LRRC37A2: variants seen among roughly 807,000 people sequenced by gnomAD.
LRRC37A2 encodes leucine rich repeat containing 37 member A2.
Under a neutral mutation model 68.8 loss-of-function variants are expected in LRRC37A2, and 9 were observed. That is an observed-to-expected ratio of 0.13 (90% CI 0.08 to 0.23). LRRC37A2 has a LOEUF of 0.23. Ranked by LOEUF, LRRC37A2 falls within the 10% of genes least tolerant of loss-of-function variation. The pLI is 1.00. For synonymous variants in LRRC37A2, 63 were observed against 367.6 expected (o/e 0.17, Z 9.48); for missense variants, 168 against 950.4 (o/e 0.18, Z 10.82).
At chr17:46,733,871 G>A in the LRRC37A2 span, among the ~76,000 whole-genome samples, 4 of 152,194 alleles carry the variant, frequency 2.6e-5, no homozygotes, top group African/African-American at 9.6e-5. Context: ...TGATGTTGTT[G>A]AGAATAGTAA....
the LRRC37A2 span, among the ~76,000 whole-genome samples, chr17:46,944,419 G>C: frequency 6.6e-6 from 1 of 152,134 alleles, no homozygotes; most frequent in African/African-American, 2.4e-5. Context: ...GTCCCTTTCT[G>C]GGGTGGACAT....
At chr17:46,786,609 C>T in the LRRC37A2 span, among the ~76,000 whole-genome samples, 27 of 152,246 alleles carry the variant, frequency 1.8e-4, no homozygotes, top group Non-Finnish European at 3.2e-4. Flanking sequence ...CACTTTGCTG[C>T]GCAGTTCAGG....
the LRRC37A2 span, among the ~76,000 whole-genome samples, chr17:46,844,311 T>A: frequency 1.0e-5 from 1 of 99,602 alleles, no homozygotes; most frequent in Non-Finnish European, 2.0e-5. Flanking sequence ...CCACCTTTTT[T>A]TTTTTTTTTT....
At chr17:46,822,497 G>C in the LRRC37A2 span, among the ~76,000 whole-genome samples, 1 of 152,206 alleles carries the variant, frequency 6.6e-6, no homozygotes, top group Non-Finnish European at 1.5e-5. Context: ...CCAGCGGCGC[G>C]GGCGCGCCCC....
At chr17:46,554,204 G>GCA (rs1380859112) in intron 12 of LRRC37A2, 10 of 303,018 alleles carry the variant, frequency 3.3e-5, no homozygotes, top group Non-Finnish European at 4.1e-5. Context: ...AGCACTTTGG[G>GCA]ATCACTTGAG....
At chr17:46,945,218 C>T in the LRRC37A2 span, among the ~76,000 whole-genome samples, 1 of 152,144 alleles carries the variant, frequency 6.6e-6, no homozygotes, top group Non-Finnish European at 1.5e-5. Flanking sequence ...GCTCTGAGGC[C>T]TGATGTGCTG....
the LRRC37A2 span, among the ~76,000 whole-genome samples, chr17:46,918,596 GACACACAC>G: frequency 8.9e-3 from 1,305 of 146,670 alleles, 5 homozygotes; most frequent in African/African-American, 0.015. Flanking sequence ...ATAGCAGGCA[GACACACAC>G]ACACACACAC....
At chr17:46,824,749 C>T in the LRRC37A2 span, among the ~76,000 whole-genome samples, 1 of 152,170 alleles carries the variant, frequency 6.6e-6, no homozygotes, top group Non-Finnish European at 1.5e-5. Context: ...GCCGAGGTCT[C>T]AGATAGAAGG....
chr17:46,963,019 C>A, the LRRC37A2 span, among the ~76,000 whole-genome samples: 1 of 150,228 alleles, frequency 6.7e-6, no homozygotes, highest in African/African-American at 2.4e-5. Flanking sequence ...TGCCACATGG[C>A]TAATAAAGAA....
the LRRC37A2 span, among the ~76,000 whole-genome samples, chr17:46,746,272 A>G: frequency 2.6e-5 from 4 of 152,224 alleles, no homozygotes; most frequent in African/African-American, 9.6e-5. Context: ...CTCATATTCT[A>G]TGCGCAGTCA....
chr17:46,622,418 A>G, the LRRC37A2 span, among the ~76,000 whole-genome samples: 3 of 150,260 alleles, frequency 2.0e-5, no homozygotes, highest in Non-Finnish European at 2.9e-5. Context: ...ATATCGCACC[A>G]GGGCAGTCCA....
At chr17:46,458,927 G>A in the LRRC37A2 span, among the ~76,000 whole-genome samples, 2 of 82,560 alleles carry the variant, frequency 2.4e-5, no homozygotes, top group African/African-American at 8.6e-5. Flanking sequence ...CTTGAAACCC[G>A]AAGCTGAGAA....
the LRRC37A2 span, among the ~76,000 whole-genome samples, chr17:46,971,374 A>T: frequency 6.6e-6 from 1 of 152,128 alleles, no homozygotes; most frequent in Non-Finnish European, 1.5e-5. Flanking sequence ...GGAAAAATAT[A>T]ATAAGGACAC....
the LRRC37A2 span, among the ~76,000 whole-genome samples, chr17:46,759,062 G>A: frequency 6.6e-6 from 1 of 152,190 alleles, no homozygotes; most frequent in African/African-American, 2.4e-5. Context: ...CAATTAGCCG[G>A]GCATGGTGGC....
At chr17:46,769,131 A>G in the LRRC37A2 span, among the ~76,000 whole-genome samples, 126 of 152,278 alleles carry the variant, frequency 8.3e-4, no homozygotes, top group African/African-American at 2.9e-3. Context: ...AGCCTGGCCA[A>G]CATGGCGAAA....
At chr17:46,822,583 T>C in the LRRC37A2 span, among the ~76,000 whole-genome samples, 1 of 152,240 alleles carries the variant, frequency 6.6e-6, no homozygotes, top group Non-Finnish European at 1.5e-5. Flanking sequence ...CTCCGCTCCC[T>C]GCGGGCCCGG....
the LRRC37A2 span, chr17:46,929,819 A>G: frequency 2.0e-6 from 1 of 512,572 alleles, no homozygotes; most frequent in East Asian, 3.5e-5. Context: ...ACATGGCCCT[A>G]TGGGAATGGA....
At chr17:46,488,883 A>G in the LRRC37A2 span, among the ~76,000 whole-genome samples, 1 of 103,110 alleles carries the variant, frequency 9.7e-6, no homozygotes, top group Admixed American at 9.6e-5. Flanking sequence ...CCATTGTGTG[A>G]GTACCACAAT....
the LRRC37A2 span, among the ~76,000 whole-genome samples, chr17:46,899,378 C>T: frequency 5.3e-4 from 81 of 152,138 alleles, no homozygotes; most frequent in East Asian, 0.014. Flanking sequence ...GCACTCCAGC[C>T]GGGGTGACAG....
Sources: gnomAD v4.1 joint callset for allele counts (sites outside exome capture counted in the v4.1 genomes callset) on GRCh38, gnomAD v4.1.1 for gene constraint, MANE v1.5 for transcripts, NCBI Gene and HGNC (gene_info 2026-07-23, HGNC 2026-07-21) for gene names.